The following ATP1A4 variants were observed in gnomAD, a reference collection of about 807,000 sequenced individuals.
ATP1A4 encodes the protein sodium/potassium-transporting ATPase subunit alpha-4.
In ATP1A4, 90 loss-of-function variants were observed where a neutral mutation model predicts 114.3. That is an observed-to-expected ratio of 0.79 (90% CI 0.66 to 0.94). The LOEUF (loss-of-function observed/expected upper bound fraction) is 0.94. ATP1A4 is among the 40% of genes least tolerant of loss of function. The pLI is 0.00. For missense variants in ATP1A4, 1,222 were observed against 1,313.6 expected (o/e 0.93, Z 1.08); for synonymous variants, 511 against 494.1 (o/e 1.03, Z -0.45).
chr1:160,168,573 G>C (rs528940152), intron 10 of ATP1A4, among the ~76,000 whole-genome samples: 1 of 151,830 alleles, frequency 6.6e-6, no homozygotes, highest in Non-Finnish European at 1.5e-5. Context: ...TAGTAGAGAC[G>C]GGATTTTACC....
At chr1:160,182,110 T>C (rs1653728959) in intron 20 of ATP1A4, 79 bp downstream of exon 20, 1 of 1,224,648 alleles carries the variant, frequency 8.2e-7, no homozygotes, top group East Asian at 2.3e-5. Flanking sequence ...TTCACTAGGA[T>C]TGTCATGAGC....
chr1:160,164,342 G>A lies in ATP1A4; in HGVS notation c.965G>A (p.Gly322Asp). The A allele has an allele frequency of 6.2e-7, 1 of 1,614,104 alleles. No homozygotes were observed. The highest frequency in any genetic ancestry group is 8.5e-7 in the Non-Finnish European group (1 of 1,180,014). ...TTTTTTGCGCTCTCACTTCTCTTGG[G>A]CTATGGTTGGCTGGAGGCTATCATT... is the stretch of plus-strand genomic sequence containing the variant. Reference protein sequence around the residue: ...VTFFALSLLLGYGWLEAIIFL... With the variant: ...VTFFALSLLLDYGWLEAIIFL... Residue 322 changes from glycine (G) to aspartate (D), a missense_variant, in exon 7 of 22, where the codon GGC becomes GAC. Coordinates refer to ENST00000368081, the MANE Select transcript of ATP1A4 (RefSeq NM_144699.4).
chr1:160,154,988 C>A, intron 2 of ATP1A4, 57 bp from the exon 3 acceptor site: 1 of 1,539,430 alleles, frequency 6.5e-7, no homozygotes, highest in African/African-American at 1.4e-5. Context: ...TTCCCTTTTG[C>A]TATGGCTGTT....
chr1:160,160,223 T>G (rs1158949342), intron 6 of ATP1A4, among the ~76,000 whole-genome samples: 3 of 152,166 alleles, frequency 2.0e-5, no homozygotes, highest in Non-Finnish European at 4.4e-5. Context: ...TTTGTTTGTT[T>G]TGTGTTTTTT....
At chr1:160,182,374 T>G (rs1653736683) in intron 20 of ATP1A4, among the ~76,000 whole-genome samples, 1 of 152,224 alleles carries the variant, frequency 6.6e-6, no homozygotes, top group African/African-American at 2.4e-5. Context: ...TAGCCTAATC[T>G]ATGCTTAGCT....
chr1:160,165,191 A>G (rs1340865003), intron 7 of ATP1A4, among the ~76,000 whole-genome samples: 1 of 152,254 alleles, frequency 6.6e-6, no homozygotes. Flanking sequence ...TATTCTTAAA[A>G]GAGAAATGAC....
chr1:160,180,356 G>C (rs1009425414), intron 18 of ATP1A4, among the ~76,000 whole-genome samples: 7 of 152,114 alleles, frequency 4.6e-5, no homozygotes, highest in Admixed American at 4.6e-4. Flanking sequence ...AAATTTATTG[G>C]ATCTACGAGT....
At chr1:160,159,675 G>A (rs909424133) in intron 6 of ATP1A4, 149 bp downstream of exon 6, 9 of 641,372 alleles carry the variant, frequency 1.4e-5, no homozygotes, top group Admixed American at 1.2e-4. Flanking sequence ...TCTGGTGAAA[G>A]GTCAAGGTCA....
intron 2 of ATP1A4, 35 bp from the exon 3 acceptor site, chr1:160,155,010 A>G (rs1652589261): frequency 6.3e-7 from 1 of 1,598,762 alleles, no homozygotes; most frequent in Non-Finnish European, 8.6e-7. Context: ...CTCTTTTCAC[A>G]GCTCTCTATC....
At position 160,155,063 on chromosome 1, in the gene ATP1A4, G is replaced by T. The variant is rs528927568; in HGVS notation, c.226G>T (p.Ala76Ser). 2.3e-4 allele frequency: 376 copies of T among 1,613,804 alleles called. 3 individuals carry two copies. The South Asian group carries it at 4.0e-3, about 17-fold the overall frequency. The change falls in exon 3 of 22, where the codon GCA becomes TCA. Residue 76 changes from alanine (A) to serine (S), a missense_variant. Ala to Ser is a moderately conservative substitution (Grantham distance 99, BLOSUM62 1). Coordinates refer to ENST00000368081, the MANE Select transcript of ATP1A4 (RefSeq NM_144699.4). ...DLTKGHSHQRAKEILTRGGPN... is the reference protein window; with the variant it reads ...DLTKGHSHQRSKEILTRGGPN... ...TGCACAGGGCCATAGCCACCAAAGG[G>T]CAAAGGAAATCCTGACTCGAGGTGG...
chr1:160,170,862 G>A (rs77248552), intron 10 of ATP1A4: 4,495 of 164,496 alleles, frequency 0.027, 175 homozygotes, highest in African/African-American at 0.085. Context: ...TGGGATTACA[G>A]GCATGAGCCG....
Position 160,151,788 on chromosome 1 carries a change from A to C in ATP1A4, c.-253A>C, listed in dbSNP as rs1571005713. 1 of 409,168 alleles carries C rather than the reference A, an allele frequency of 2.4e-6. No individual in the cohort carries two copies. The highest frequency in any genetic ancestry group is 4.4e-6 in the Non-Finnish European group (1 of 227,762). The allele number at this position is 409,168 out of a possible 1,614,324, so 25.3% of individuals were successfully genotyped here. A position where few individuals can be genotyped will look rare whatever the true frequency, so the allele number is the denominator to read the frequency against. On this transcript the variant is annotated 5_prime_UTR_variant, in exon 1 of 22. Transcript: ENST00000368081. ...AGGCTTCTCTCCTCCCTCTTCCCTC[A>C]CTCCTGACTCTTCCTCTTCCCAGCG...
intron 12 of ATP1A4, among the ~76,000 whole-genome samples, chr1:160,172,491 T>G (rs1267047005): frequency 6.6e-6 from 1 of 150,552 alleles, no homozygotes; most frequent in Non-Finnish European, 1.5e-5. Flanking sequence ...AACCCAGAGG[T>G]AGAAAATCCT....
At position 160,173,610 on chromosome 1, in the gene ATP1A4, T is replaced by C. The variant is rs370599514; in HGVS notation, c.1884T>C (p.Ile628=). The C allele has an allele frequency of 1.2e-6, 2 of 1,614,204 alleles. No individual in the cohort carries two copies. The highest frequency in any genetic ancestry group is 3.3e-5 in the Admixed American group (2 of 60,018). Residue 628 remains isoleucine, a synonymous_variant, in exon 13 of 22, where the codon ATT becomes ATC. Transcript: ENST00000368081. ...KVIMVTGDHP[I]TAKAIAKGVG... is the part of the protein sequence containing the mutation. ...TCATGGTAACAGGAGATCATCCCAT[T>C]ACAGCTAAGGCCATTGCCAAGGGTG...
chr1:160,183,811 T>C (rs1480377037), intron 20 of ATP1A4, among the ~76,000 whole-genome samples: 1 of 152,222 alleles, frequency 6.6e-6, no homozygotes, highest in Non-Finnish European at 1.5e-5. Flanking sequence ...TATAACTTCA[T>C]TATTTTGGTT....
intron 18 of ATP1A4, among the ~76,000 whole-genome samples, chr1:160,179,367 AT>A (rs1191228264): frequency 6.6e-6 from 1 of 152,262 alleles, no homozygotes; most frequent in Non-Finnish European, 1.5e-5. Context: ...AAGATGCAGC[AT>A]AACATAAATT....
intron 13 of ATP1A4, 144 bp downstream of exon 13, chr1:160,173,861 G>A: frequency 1.7e-6 from 2 of 1,173,356 alleles, no homozygotes; most frequent in Non-Finnish European, 1.2e-6. Flanking sequence ...AAACATAATA[G>A]GAAAATAAAG....
In ATP1A4 at chr1:160,155,173, A is replaced by G. The variant is rs201231456; in HGVS notation, c.336A>G (p.Leu112=). 2 of 1,612,444 alleles carry G rather than the reference A, an allele frequency of 1.2e-6. No individual in the cohort carries two copies. Among genetic ancestry groups the G allele is most frequent in the Non-Finnish European group, 8.5e-7 (1 of 1,179,798 alleles). Residue 112 remains leucine (L), a synonymous_variant, in exon 3 of 22, where the codon CTA becomes CTG. Transcript: ENST00000368081. ...KQLFGGFSLL[L]WTGAILCFVA... is the part of the protein sequence containing the mutation. ...TGTTCGGAGGCTTCTCCCTCCTACT[A>G]TGGACTGGGGCCATTCTCTGCTTTG...
Position 160,181,828 on chromosome 1 carries a change from A to T in ATP1A4, c.2867+14A>T. The T allele has an allele frequency of 1.3e-6, 2 of 1,554,884 alleles. No homozygotes were observed. The highest frequency in any genetic ancestry group is 4.9e-5 in the East Asian group (2 of 40,814). The stretch of plus-strand genomic sequence containing the variant: ...GCAGGGCATGAGGTGAACATCTCAC[A>T]AAACAGCCCAGCACTCTCCCAAGCC... On this transcript the variant is annotated intron_variant, in intron 19 of 21. Transcript: ENST00000368081.
Sources: gnomAD v4.1 joint callset for allele counts (sites outside exome capture counted in the v4.1 genomes callset) on GRCh38, gnomAD v4.1.1 for gene constraint, MANE v1.5 for transcripts, NCBI Gene and HGNC (gene_info 2026-07-23, HGNC 2026-07-21) for gene names.